The following PDXDC1 variants were observed in gnomAD, a reference collection of about 807,000 sequenced individuals.
PDXDC1 encodes the protein pyridoxal dependent decarboxylase domain containing 1.
In PDXDC1, 42 loss-of-function variants were observed where a neutral mutation model predicts 100.1. The observed-to-expected ratio is 0.42, with a 90% confidence interval of 0.33 to 0.54. The LOEUF is 0.54. Among genes scored for constraint, PDXDC1 ranks in the 20% least tolerant of loss-of-function variants. PDXDC1 has a pLI of 0.10. For synonymous variants in PDXDC1, 260 were observed against 371.7 expected (o/e 0.70, Z 3.46); for missense variants, 636 against 979.2 (o/e 0.65, Z 4.68).
At chr16:15,077,467 C>T (rs984757365) in intron 16 of PDXDC1, among the ~76,000 whole-genome samples, 2 of 151,988 alleles carry the variant, frequency 1.3e-5, no homozygotes, top group Admixed American at 6.6e-5. Flanking sequence ...TTTCTCTTGC[C>T]GCCACCATGT....
At chr16:15,053,364 T>C (rs2044369745) in intron 16 of PDXDC1, among the ~76,000 whole-genome samples, 1 of 152,232 alleles carries the variant, frequency 6.6e-6, no homozygotes, top group South Asian at 2.1e-4. Context: ...TTATTGTTAT[T>C]ATTTGCTAGT....
At chr16:15,117,687 G>C (rs1416917325) in intron 16 of PDXDC1, among the ~76,000 whole-genome samples, 20 of 105,212 alleles carry the variant, frequency 1.9e-4, no homozygotes, top group African/African-American at 6.4e-4. Context: ...AGGGAGACTC[G>C]TCTTGGGGGT....
intron 16 of PDXDC1, among the ~76,000 whole-genome samples, chr16:15,056,661 C>T (rs1490286198): frequency 6.6e-6 from 1 of 152,116 alleles, no homozygotes. Context: ...GGCACGGTGG[C>T]ATGCACCTGT....
Position 15,053,927 on chromosome 16 carries a change from CCAAA to C in PDXDC1, c.1399+23884_1399+23887del, listed in dbSNP as rs543081321. Among the ~76,000 whole-genome samples, 1,388 of 152,210 alleles carry C rather than the reference CCAAA, an allele frequency of 9.1e-3. 24 individuals carry two copies. Among genetic ancestry groups the C allele is most frequent in the African/African-American group, 0.032 (1,316 of 41,540 alleles). ...ACTAAGTCTCAAAAAAACCAACCAACCAAACAAACAAACAAAAAACCCAACCTTT... is the reference window on the plus strand; with the variant it reads ...ACTAAGTCTCAAAAAAACCAACCAACCAAACAAACAAAAAACCCAACCTTT... On this transcript the variant is annotated intron_variant, in intron 16 of 16. Transcript: ENST00000535621.
intron 16 of PDXDC1, among the ~76,000 whole-genome samples, chr16:15,072,662 G>A (rs900225591): frequency 1.8e-4 from 28 of 152,230 alleles, no homozygotes; most frequent in East Asian, 1.5e-3. Flanking sequence ...AATTAGCCAG[G>A]CATGGTAACC....
chr16:15,044,570 C>T, intron 16 of PDXDC1: 2 of 619,388 alleles, frequency 3.2e-6, no homozygotes, highest in Non-Finnish European at 5.8e-6. Context: ...AGCACACTGC[C>T]AAGGCCAGTG....
At chr16:15,067,140 G>A (rs1296001552) in intron 16 of PDXDC1, among the ~76,000 whole-genome samples, 1 of 150,950 alleles carries the variant, frequency 6.6e-6, no homozygotes, top group Admixed American at 6.6e-5. Flanking sequence ...CAGAAGAGAG[G>A]ACACCTTGAA....
intron 16 of PDXDC1, among the ~76,000 whole-genome samples, chr16:15,095,936 A>G (rs2046342060): frequency 6.6e-6 from 1 of 151,084 alleles, no homozygotes; most frequent in East Asian, 2.0e-4. Flanking sequence ...AGCCTGGGCA[A>G]CATATGGTGG....
chr16:15,086,484 T>C, intron 16 of PDXDC1: 2 of 1,609,226 alleles, frequency 1.2e-6, no homozygotes, highest in Non-Finnish European at 1.7e-6. Flanking sequence ...ACTTTCAAAA[T>C]CACAAATCCT....
At chr16:15,040,163 AG>A, downstream of PDXDC1, 1 of 676,132 alleles carries the variant, frequency 1.5e-6, no homozygotes, top group Non-Finnish European at 2.6e-6. Flanking sequence ...AGAGAAAGAT[AG>A]GAAAGTGAAC....
chr16:15,062,840 G>A (rs1477333327), intron 16 of PDXDC1, among the ~76,000 whole-genome samples: 1 of 152,172 alleles, frequency 6.6e-6, no homozygotes, highest in Non-Finnish European at 1.5e-5. Context: ...TTTTATAAAG[G>A]CAGAATGAGT....
At chr16:15,068,315 C>T in intron 16 of PDXDC1, 1 of 1,552,542 alleles carries the variant, frequency 6.4e-7, no homozygotes, top group East Asian at 2.3e-5. Flanking sequence ...TTTAAAGGTA[C>T]AAATAAGTGA....
intron 16 of PDXDC1, chr16:15,130,501 T>G: frequency 1.5e-6 from 2 of 1,363,244 alleles, no homozygotes; most frequent in Non-Finnish European, 2.1e-6. Context: ...TCCGCCAGGT[T>G]GGATATCGGA....
intron 16 of PDXDC1, chr16:15,094,632 A>C: frequency 3.7e-6 from 1 of 269,110 alleles, no homozygotes; most frequent in Middle Eastern, 1.2e-3. Context: ...ATCTTCACGG[A>C]GGAAAGGGGA....
chr16:15,055,992 C>A (rs1213487076), intron 16 of PDXDC1: 13 of 1,203,094 alleles, frequency 1.1e-5, no homozygotes, highest in East Asian at 1.0e-4. Context: ...GCCGCCCAGG[C>A]AGGCCCAGGG....
At chr16:15,091,482 A>C in intron 16 of PDXDC1, 1 of 714,582 alleles carries the variant, frequency 1.4e-6, no homozygotes, top group Non-Finnish European at 2.3e-6. Flanking sequence ...AGGAACACTA[A>C]CTTTCACATG....
At chr16:14,987,009 A>C (rs1969528909) in intron 1 of PDXDC1, among the ~76,000 whole-genome samples, 1 of 152,286 alleles carries the variant, frequency 6.6e-6, no homozygotes, top group South Asian at 2.1e-4. Flanking sequence ...TGGCCTCCCA[A>C]AGTGCTGGTT....
Position 15,005,304 on chromosome 16 carries a change from C to CAAA in PDXDC1, c.389+985_389+987dup, listed in dbSNP as rs74858191. ...TGGGCGACAGAGTGAGACTCTGTCT[C>CAAA]AAAAAAAAAAAAAAAAGAAAACTCT... On this transcript the variant is annotated intron_variant, in intron 5 of 22. Transcript: ENST00000396410. Among the ~76,000 whole-genome samples, 15 of 54,710 alleles carry CAAA rather than the reference C, an allele frequency of 2.7e-4. 1 individual carries two copies. The highest frequency in any genetic ancestry group is 7.3e-4 in the East Asian group (1 of 1,370). The allele number at this position is 54,710 out of a possible 152,430, so 35.9% of individuals were successfully genotyped here.
intron 13 of PDXDC1, among the ~76,000 whole-genome samples, chr16:15,023,200 G>C (rs991210840): frequency 6.6e-6 from 1 of 152,286 alleles, no homozygotes; most frequent in Non-Finnish European, 1.5e-5. Flanking sequence ...AAAAGCAAAT[G>C]GCCCTGCTCT....
Sources: allele counts gnomAD v4.1 joint callset (sites outside exome capture counted in the v4.1 genomes callset), GRCh38; gene constraint gnomAD v4.1.1; transcripts MANE v1.5; gene names NCBI Gene and HGNC (gene_info 2026-07-23, HGNC 2026-07-21).